SERPINF1: variants seen among roughly 807,000 people sequenced by gnomAD.
SERPINF1 encodes serpin family F member 1, also known as pigment epithelium-derived factor.
In SERPINF1, 29 loss-of-function variants were observed where a neutral mutation model predicts 37.3. The ratio of observed to expected loss-of-function variants is 0.78; its 90% confidence interval spans 0.58 to 1.06. The LOEUF (loss-of-function observed/expected upper bound fraction) is 1.06. Ranked by LOEUF, SERPINF1 falls within the 50% of genes least tolerant of loss-of-function variation. The pLI is 0.00. For synonymous variants in SERPINF1, 281 were observed against 227.9 expected, an observed-to-expected ratio of 1.23 and a Z score of -2.10; for missense variants, 553 against 532.2, an observed-to-expected ratio of 1.04 and a Z score of -0.38.
rs1479811923 is a variant in SERPINF1, at chr17:1,770,016, C to A, written c.249C>A (p.Leu83=). Residue 83 remains leucine, a synonymous_variant, in exon 3 of 8, where the codon CTC becomes CTA. Transcript: ENST00000254722. ...SPTTNVLLSP[L]SVATALSALS... is the part of the protein sequence containing the mutation. ...CGACCAACGTGCTCCTGTCTCCTCT[C>A]AGTGTGGCCACGGCCCTCTCGGCCC... is the stretch of plus-strand genomic sequence containing the variant. 1.9e-6 allele frequency: 3 copies of A among 1,614,112 alleles called. No individual in the cohort carries two copies. The highest frequency in any genetic ancestry group is 2.5e-6 in the Non-Finnish European group (3 of 1,180,046).
At chr17:1,774,622 G>A (rs868438696) in intron 5 of SERPINF1, among the ~76,000 whole-genome samples, 17 of 151,794 alleles carry the variant, frequency 1.1e-4, no homozygotes, top group African/African-American at 3.9e-4. Flanking sequence ...GTGAGTCACC[G>A]TGCCCGGCCA....
chr17:1,776,651 C>T lies in SERPINF1; in HGVS notation c.906C>T (p.Asp302=). The part of the protein sequence containing the change: ...SLTSEFIHDI[D]RELKTVQAVL... ...CCTCCGAGTTCATTCATGACATAGA[C>T]CGAGAACTGAAGACCGTGCAGGCGG... is the stretch of plus-strand genomic sequence containing the variant. Residue 302 remains aspartate, a synonymous_variant, in exon 7 of 8, where the codon GAC becomes GAT. Coordinates refer to ENST00000254722, the MANE Select transcript of SERPINF1 (RefSeq NM_002615.7). 1 of 1,613,996 alleles carries T rather than the reference C, an allele frequency of 6.2e-7. No individual in the cohort carries two copies. Among genetic ancestry groups the T allele is most frequent in the Non-Finnish European group, 8.5e-7 (1 of 1,180,026 alleles).
Position 1,771,971 on chromosome 17 carries a change from TCAA to T in SERPINF1, c.544_546del (p.Asn182del), listed in dbSNP as rs1907770562. On this transcript the variant is annotated inframe_deletion, in exon 5 of 8. Coordinates refer to ENST00000254722, the MANE Select transcript of SERPINF1 (RefSeq NM_002615.7). ...AACCCTCGCTTGGACCTGCAAGAGA[TCAA>T]CAACTGGGTGCAGGCGCAGATGAAA... 5 of 1,613,246 alleles carry T rather than the reference TCAA, an allele frequency of 3.1e-6. No homozygotes were observed. The highest frequency in any genetic ancestry group is 2.2e-5 in the South Asian group (2 of 91,050).
Position 1,766,955 on chromosome 17 carries a change from G to A in SERPINF1, c.45G>A (p.Gly15=), listed in dbSNP as rs756349134. 3 of 1,563,578 alleles carry A rather than the reference G, an allele frequency of 1.9e-6. No homozygotes were observed. Among genetic ancestry groups the A allele is most frequent in the Non-Finnish European group, 2.6e-6 (3 of 1,153,802 alleles). ...TCCTCTGCATTGGAGCCCTCCTCGG[G>A]CACAGCAGCTGCCAGAACCCTGCCA... ...VLLLCIGALL[G]HSSCQNPASP... Residue 15 remains glycine, a synonymous_variant, in exon 2 of 8, where the codon GGG becomes GGA. Transcript: ENST00000254722.
Position 1,771,950 on chromosome 17 carries a change from C to T in SERPINF1, c.518C>T (p.Pro173Leu). ...GTRPRVLTGN[P>L]RLDLQEINNW... Reference sequence around the variant, plus strand: ...AGGCCCAGAGTCCTGACGGGCAACCCTCGCTTGGACCTGCAAGAGATCAAC... The same window carrying T: ...AGGCCCAGAGTCCTGACGGGCAACCTTCGCTTGGACCTGCAAGAGATCAAC... Residue 173 changes from proline (P) to leucine (L), a missense_variant, in exon 5 of 8, where the codon CCT becomes CTT. Transcript: ENST00000254722. 1 of 1,614,024 alleles carries T rather than the reference C, an allele frequency of 6.2e-7. No individual in the cohort carries two copies. Among genetic ancestry groups the T allele is most frequent in the Non-Finnish European group, 8.5e-7 (1 of 1,180,006 alleles).
Position 1,769,960 on chromosome 17 carries a change from C to A in SERPINF1, c.193C>A (p.Leu65Met), listed in dbSNP as rs775101764. 10 of 1,614,062 alleles carry A rather than the reference C, an allele frequency of 6.2e-6. No individual in the cohort carries two copies. The African/African-American group carries it at 1.3e-4, about 22-fold the overall frequency. Reference sequence around the variant, plus strand: ...GGCTGTCTCCAACTTCGGCTATGACCTGTACCGGGTGCGATCCAGCACGAG... The same window carrying A: ...GGCTGTCTCCAACTTCGGCTATGACATGTACCGGGTGCGATCCAGCACGAG... ...AAAVSNFGYD[L>M]YRVRSSTSPT... is the part of the protein sequence containing the mutation. Residue 65 changes from leucine to methionine, a missense_variant, in exon 3 of 8, where the codon CTG (leucine) becomes ATG (methionine). Coordinates refer to ENST00000254722, the MANE Select transcript of SERPINF1 (RefSeq NM_002615.7).
chr17:1,767,231 T>G (rs563043223), intron 2 of SERPINF1, among the ~76,000 whole-genome samples: 21 of 152,230 alleles, frequency 1.4e-4, no homozygotes, highest in South Asian at 2.1e-4. Flanking sequence ...GAAGCACTTT[T>G]AACAAGTCCA....
intron 1 of SERPINF1, among the ~76,000 whole-genome samples, chr17:1,765,616 T>C (rs1872849308): frequency 6.6e-6 from 1 of 152,024 alleles, no homozygotes; most frequent in Admixed American, 6.6e-5. Context: ...GCCACTGTGC[T>C]CGGTAGTTGT....
chr17:1,771,429 G>A (rs776098656), intron 4 of SERPINF1, among the ~76,000 whole-genome samples: 7 of 151,902 alleles, frequency 4.6e-5, no homozygotes, highest in South Asian at 2.1e-4. Flanking sequence ...TAGCAGAGAC[G>A]GGGTTTCACC....
chr17:1,768,337 A>G (rs1416243930), intron 2 of SERPINF1, among the ~76,000 whole-genome samples: 1 of 149,908 alleles, frequency 6.7e-6, no homozygotes, highest in Non-Finnish European at 1.5e-5. Flanking sequence ...AGGCTGAGGC[A>G]GGAGAATGGC....
At chr17:1,771,374 G>C (rs1001653710) in intron 4 of SERPINF1, among the ~76,000 whole-genome samples, 190 bp downstream of exon 4, 1 of 151,122 alleles carries the variant, frequency 6.6e-6, no homozygotes, top group Non-Finnish European at 1.5e-5. Flanking sequence ...TCAGCCTCCC[G>C]AGTAGCTGGG....
At chr17:1,766,752 C>A in intron 1 of SERPINF1, 151 bp from the exon 2 acceptor site, 1 of 617,844 alleles carries the variant, frequency 1.6e-6, no homozygotes, top group Non-Finnish European at 2.7e-6. Context: ...TTCTGGGGGC[C>A]TGGAGGGGTG....
At chr17:1,771,250 CTTTTT>C (rs58039181) in intron 4 of SERPINF1, 66 bp downstream of exon 4, 92 of 1,211,598 alleles carry the variant, frequency 7.6e-5, no homozygotes, top group Non-Finnish European at 7.9e-5. Flanking sequence ...CTGGGGGGGT[CTTTTT>C]TTTTTTTTTT....
intron 2 of SERPINF1, among the ~76,000 whole-genome samples, chr17:1,768,778 C>T (rs914832172): frequency 1.3e-5 from 2 of 150,074 alleles, no homozygotes; most frequent in African/African-American, 2.4e-5. Flanking sequence ...CACCTGGCTC[C>T]CAATTTTTAT....
intron 1 of SERPINF1, among the ~76,000 whole-genome samples, chr17:1,765,090 C>T (rs1452356447): frequency 1.3e-4 from 19 of 149,866 alleles, no homozygotes; most frequent in African/African-American, 3.4e-4. Context: ...GTGATCTACC[C>T]GCCTCGGCCT....
intron 2 of SERPINF1, among the ~76,000 whole-genome samples, chr17:1,767,523 A>G (rs770794549): frequency 2.6e-5 from 4 of 152,088 alleles, no homozygotes; most frequent in Non-Finnish European, 5.9e-5. Flanking sequence ...TCGGATACTG[A>G]CCAGGCTGTG....
At chr17:1,769,708 C>T (rs536098116) in intron 2 of SERPINF1, 144 bp from the exon 3 acceptor site, 14 of 854,698 alleles carry the variant, frequency 1.6e-5, no homozygotes, top group African/African-American at 5.0e-5. Flanking sequence ...AACTCATTCC[C>T]GTTTTAGGCC....
At chr17:1,764,573 G>T (rs760833850) in intron 1 of SERPINF1, among the ~76,000 whole-genome samples, 1 of 152,254 alleles carries the variant, frequency 6.6e-6, no homozygotes, top group Non-Finnish European at 1.5e-5. Context: ...GCTTCCTGCT[G>T]CCCGTCCTGC....
chr17:1,767,144 CAGAG>C (rs1907436613), intron 2 of SERPINF1, 150 bp downstream of exon 2: 6 of 652,820 alleles, frequency 9.2e-6, no homozygotes, highest in African/African-American at 3.6e-5. Flanking sequence ...AGCAGCAAAA[CAGAG>C]AGAAAATGTC....
Sources: allele counts gnomAD v4.1 joint callset (sites outside exome capture counted in the v4.1 genomes callset), GRCh38; gene constraint gnomAD v4.1.1; transcripts MANE v1.5; gene names NCBI Gene and HGNC (gene_info 2026-07-23, HGNC 2026-07-21).